Variants in LRRC9 observed in about 807,000 individuals in gnomAD.
LRRC9 encodes leucine-rich repeat-containing protein 9.
In LRRC9, 122 loss-of-function variants were observed where a neutral mutation model predicts 63.2. The ratio of observed to expected loss-of-function variants is 1.93; its 90% CI spans 1.67 to 2.24. The LOEUF (loss-of-function observed/expected upper bound fraction) is 2.24. LRRC9 is among the 30% of genes most tolerant of loss of function. The pLI is 0.00. For missense variants in LRRC9, 1,071 were observed against 627.7 expected, an observed-to-expected ratio of 1.71 and a Z score of -7.55; for synonymous variants, 366 against 213.1, an observed-to-expected ratio of 1.72 and a Z score of -6.25.
intron 29 of LRRC9, among the ~76,000 whole-genome samples, chr14:60,037,905 A>T (rs963719600): frequency 1.8e-4 from 27 of 152,138 alleles, no homozygotes; most frequent in Non-Finnish European, 2.6e-4. Flanking sequence ...TTTAGGTCTA[A>T]ATTTAAGTCT....
rs767828683 is a variant in LRRC9, at chr14:59,962,835, T to A, written c.1211+1790T>A. Among the ~76,000 whole-genome samples, 1 of 152,174 alleles carries A rather than the reference T, an allele frequency of 6.6e-6. No individual in the cohort carries two copies. Among genetic ancestry groups the A allele is most frequent in the African/African-American group, 2.4e-5 (1 of 41,450 alleles). The stretch of plus-strand genomic sequence containing the variant: ...CCAAAAAGCCATTTAGATAACTATG[T>A]CAGCCTGATAGTAAATTAGATAGCT... On this transcript the variant is annotated intron_variant, in intron 10 of 31. Coordinates refer to ENST00000445360, the Ensembl canonical transcript of LRRC9. The surrounding 1 kb of genome is among the most constrained non-coding windows in gnomAD (Gnocchi z 5.1).
chr14:60,010,227 G>A (rs1890152474), intron 23 of LRRC9, among the ~76,000 whole-genome samples: 1 of 152,174 alleles, frequency 6.6e-6, no homozygotes, highest in African/African-American at 2.4e-5. Context: ...ACATCTAGGC[G>A]TTTCCATACA....
In LRRC9 at chr14:59,942,930, A is replaced by G. The variant is rs918530475; in HGVS notation, c.727-1659A>G. Among the ~76,000 whole-genome samples, 2 of 152,086 alleles carry G rather than the reference A, an allele frequency of 1.3e-5. No individual in the cohort carries two copies. Among genetic ancestry groups the G allele is most frequent in the African/African-American group, 4.8e-5 (2 of 41,426 alleles). On this transcript the variant is annotated intron_variant, in intron 7 of 31. Coordinates refer to ENST00000445360, the Ensembl canonical transcript of LRRC9. The surrounding 1 kb of genome is among the most constrained non-coding windows in gnomAD (Gnocchi z 5.3). ...TTGTATGGTCTGTTGAGAAATGTCT[A>G]TGCAGTTCCTTTGCCCACCTTTTGG...
chr14:60,005,740 C>A (rs1268006010), intron 21 of LRRC9, among the ~76,000 whole-genome samples: 1 of 152,076 alleles, frequency 6.6e-6, no homozygotes, highest in Non-Finnish European at 1.5e-5. Context: ...GAAATTAAGG[C>A]TCAGAGGTTA....
chr14:60,041,306 G>T (rs2140376355), intron 29 of LRRC9, among the ~76,000 whole-genome samples: 1 of 152,252 alleles, frequency 6.6e-6, no homozygotes, highest in African/African-American at 2.4e-5. Context: ...ATGTTTGCCT[G>T]CCTCGCTAGG....
chr14:59,997,765 A>T (rs1364392114), exon 18 of LRRC9: 1 of 702,420 alleles, frequency 1.4e-6, no homozygotes, highest in African/African-American at 1.7e-5. Flanking sequence ...CAACTGAAAA[A>T]ATCTGGCAAT....
intron 10 of LRRC9, among the ~76,000 whole-genome samples, chr14:59,963,775 T>G (rs958094912): frequency 3.3e-5 from 5 of 152,196 alleles, no homozygotes; most frequent in Non-Finnish European, 7.3e-5. Context: ...CTCAAGGAGC[T>G]ACATAAGCAG....
chr14:60,060,107 C>G lies in LRRC9; in HGVS notation c.4276+2085C>G, dbSNP rs1167606828. On this transcript the variant is annotated intron_variant, in intron 31 of 31. Coordinates refer to ENST00000445360, the Ensembl canonical transcript of LRRC9. This position sits in a 1 kb window ranked among gnomAD's most constrained non-coding sequence, Gnocchi z 4.0. ...TTCAACCATTGTAAAACTCCTAGGG[C>G]TCTTAAGAATTATGCTAAATCTACT... 6.6e-6 allele frequency among the ~76,000 whole-genome samples: 1 copy of G among 152,188 alleles called. No homozygotes were observed. Among genetic ancestry groups the G allele is most frequent in the African/African-American group, 2.4e-5 (1 of 41,458 alleles).
At chr14:60,005,344 A>C (rs1889729995) in intron 21 of LRRC9, among the ~76,000 whole-genome samples, 2 of 152,064 alleles carry the variant, frequency 1.3e-5, no homozygotes, top group Admixed American at 1.3e-4. Flanking sequence ...ATACAACTGG[A>C]TATTAGTTTT....
intron 8 of LRRC9, among the ~76,000 whole-genome samples, chr14:59,945,444 C>G (rs1482989571): frequency 6.6e-6 from 1 of 150,660 alleles, no homozygotes; most frequent in Non-Finnish European, 1.5e-5. Flanking sequence ...TGCACTTTAC[C>G]AAATGTAAAT....
chr14:59,978,335 C>T (rs558794768), intron 15 of LRRC9, among the ~76,000 whole-genome samples: 103 of 152,266 alleles, frequency 6.8e-4, no homozygotes, highest in Non-Finnish European at 1.2e-3. Flanking sequence ...TATGGCTGTA[C>T]TCCCACTGGA....
At chr14:60,026,738 C>T (rs867025829) in intron 27 of LRRC9, among the ~76,000 whole-genome samples, 1 of 152,012 alleles carries the variant, frequency 6.6e-6, no homozygotes, top group African/African-American at 2.4e-5. Context: ...TTTCCACCCA[C>T]CATTTATTGA....
chr14:60,026,322 G>GA (rs1891549911), intron 27 of LRRC9, among the ~76,000 whole-genome samples: 1 of 152,020 alleles, frequency 6.6e-6, no homozygotes, highest in African/African-American at 2.4e-5. Context: ...ACTGGGGTGA[G>GA]ATGATATCTC....
chr14:60,023,498 A>G (rs942776279), intron 27 of LRRC9, among the ~76,000 whole-genome samples: 5 of 151,288 alleles, frequency 3.3e-5, no homozygotes, highest in Admixed American at 2.7e-4. Context: ...CCAAGACTTG[A>G]AAAGGGAACA....
chr14:60,031,927 C>T lies in LRRC9; in HGVS notation c.3922-68C>T, dbSNP rs2140329728. On this transcript the variant is annotated intron_variant, in intron 28 of 31. Coordinates refer to ENST00000445360, the Ensembl canonical transcript of LRRC9. This position sits in a 1 kb window ranked among gnomAD's most constrained non-coding sequence, Gnocchi z 4.6. ...AACTAACACTTACATATAATTACTT[C>T]AAATTAGTCTATATTTTAAGATGTT... 1 of 673,066 alleles carries T rather than the reference C, an allele frequency of 1.5e-6. No individual in the cohort carries two copies. The highest frequency in any genetic ancestry group is 2.7e-6 in the Non-Finnish European group (1 of 373,468). The allele number at this position is 673,066 out of a possible 1,614,324, so 41.7% of individuals were successfully genotyped here. A position where few individuals can be genotyped will look rare whatever the true frequency, so the allele number is the denominator to read the frequency against.
chr14:60,019,692 A>C (rs1394289317), intron 26 of LRRC9, among the ~76,000 whole-genome samples: 2 of 151,424 alleles, frequency 1.3e-5, no homozygotes, highest in East Asian at 3.9e-4. Context: ...AGTAGCATGG[A>C]CGTGGGCTTT....
Position 59,958,779 on chromosome 14 carries a change from T to C in LRRC9, c.883-1039T>C, listed in dbSNP as rs1420713575. Among the ~76,000 whole-genome samples, 1 of 152,242 alleles carries C rather than the reference T, an allele frequency of 6.6e-6. No homozygotes were observed. The highest frequency in any genetic ancestry group is 1.5e-5 in the Non-Finnish European group (1 of 68,042). ...ATAGGCACACGAGGGAATCTCCTGA[T>C]CTGCAGATTGCAAAAACGGTGGGAA... On this transcript the variant is annotated intron_variant, in intron 8 of 31. Transcript: ENST00000445360. This position sits in a 1 kb window ranked among gnomAD's most constrained non-coding sequence, Gnocchi z 4.0.
chr14:59,961,003 T>C (rs1204012464), exon 10 of LRRC9: 5 of 693,126 alleles, frequency 7.2e-6, no homozygotes, highest in Non-Finnish European at 1.3e-5. Context: ...TTAGAGACTG[T>C]GGGAAATTTC....
At position 59,936,532 on chromosome 14, in the gene LRRC9, G is replaced by A. The variant is rs950117532; in HGVS notation, c.544-1858G>A. On this transcript the variant is annotated intron_variant, in intron 6 of 31. Coordinates refer to ENST00000445360, the Ensembl canonical transcript of LRRC9. This position sits in a 1 kb window ranked among gnomAD's most constrained non-coding sequence, Gnocchi z 4.2. ...CTCCAGTGTCACCTGAATTTGGAAT[G>A]TAGTTGGGGGATTTCTGTGTAGGAC... Among the ~76,000 whole-genome samples, 18 of 152,190 alleles carry A rather than the reference G, an allele frequency of 1.2e-4. 1 individual carries two copies. Among genetic ancestry groups the A allele is most frequent in the South Asian group, 4.1e-4 (2 of 4,828 alleles).
Sources: gnomAD v4.1 joint callset for allele counts (sites outside exome capture counted in the v4.1 genomes callset) on GRCh38, gnomAD v4.1.1 for gene constraint, Gnocchi (gnomAD v3.1) non-coding constraint, MANE v1.5 for transcripts, NCBI Gene and HGNC (gene_info 2026-07-23, HGNC 2026-07-21) for gene names.